ZMYND15: variants seen among roughly 807,000 people sequenced by gnomAD.
ZMYND15 encodes zinc finger MYND-type containing 15.
Under a neutral mutation model 81.7 loss-of-function variants are expected in ZMYND15, and 54 were observed. That is an observed-to-expected ratio of 0.66 (90% CI 0.53 to 0.83). ZMYND15 has a LOEUF of 0.83. Ranked by LOEUF, ZMYND15 falls within the 40% of genes least tolerant of loss-of-function variation. The pLI, the probability that ZMYND15 is intolerant of heterozygous loss-of-function variation, is 0.00. For synonymous variants in ZMYND15, 399 were observed against 387.0 expected, an observed-to-expected ratio of 1.03 and a Z score of -0.36; for missense variants, 925 against 973.5, an observed-to-expected ratio of 0.95 and a Z score of 0.66.
intron 4 of ZMYND15, 72 bp from the exon 5 acceptor site, chr17:4,742,259 G>A: frequency 6.3e-7 from 1 of 1,583,324 alleles, no homozygotes; most frequent in Non-Finnish European, 8.6e-7. Context: ...ATGGGCAGCT[G>A]CTGGGCAGTT....
Position 4,744,131 on chromosome 17 carries a change from G to A in ZMYND15, c.1495+24G>A, listed in dbSNP as rs772161012. On this transcript the variant is annotated intron_variant, in intron 8 of 13. Coordinates refer to ENST00000433935, the MANE Select transcript of ZMYND15 (RefSeq NM_001136046.3). The surrounding 1 kb of genome is among the most constrained non-coding windows in gnomAD (Gnocchi z 4.1). ...CTGTAAGGAGAGCGGAGTGGGGGGT[G>A]GAGCAGGATGGGGGAGTGAGAGTGG... 3.1e-6 allele frequency: 5 copies of A among 1,611,248 alleles called. No individual in the cohort carries two copies. The highest frequency in any genetic ancestry group is 4.2e-6 in the Non-Finnish European group (5 of 1,178,502).
rs779919438 is a variant in ZMYND15 at position 4,741,631 on chromosome 17, T to G, written c.642T>G (p.His214Gln). Reference sequence around the variant, plus strand: ...GTCTCTTACTTGTGACGGATGAGCATGGCACCATCTTGGGCATTGATCTGC... The same window carrying G: ...GTCTCTTACTTGTGACGGATGAGCAGGGCACCATCTTGGGCATTGATCTGC... Reference protein sequence around the residue: ...VSCLLLVTDEHGTILGIDLLV... With the variant: ...VSCLLLVTDEQGTILGIDLLV... Residue 214 changes from histidine (H) to glutamine (Q), a missense_variant, in exon 3 of 14, where the codon CAT becomes CAG. Coordinates refer to ENST00000433935, the MANE Select transcript of ZMYND15 (RefSeq NM_001136046.3). 23 of 1,614,128 alleles carry G rather than the reference T, an allele frequency of 1.4e-5. No individual in the cohort carries two copies. The highest frequency in any genetic ancestry group is 1.9e-5 in the Non-Finnish European group (23 of 1,180,028).
At chr17:4,746,115 C>A, downstream of ZMYND15, 1 of 1,032,128 alleles carries the variant, frequency 9.7e-7, no homozygotes, top group Non-Finnish European at 1.3e-6. Context: ...TGTTTGAAAC[C>A]ACTGAGTCAT....
In ZMYND15 at chr17:4,743,312, G is replaced by C; in HGVS notation, c.1154G>C (p.Ser385Thr). 6.2e-7 allele frequency: 1 copy of C among 1,613,648 alleles called. No homozygotes were observed. Among genetic ancestry groups the C allele is most frequent in the African/African-American group, 1.3e-5 (1 of 74,954 alleles). Residue 385 changes from serine (S) to threonine (T), a missense_variant, in exon 6 of 14, where the codon AGT becomes ACT. Transcript: ENST00000433935. The surrounding 1 kb of genome is among the most constrained non-coding windows in gnomAD (Gnocchi z 4.3). ...CCTTCTCCTTCTCCAGAGGTGACCA[G>C]TGAAACCTTCAACAAAGAGGCCTTC... The part of the protein sequence containing the change: ...LPFTYTAEVT[S>T]ETFNKEAFLA...
chr17:4,745,113 CCGGT>C lies in ZMYND15; in HGVS notation c.1897-100_1897-97del. On this transcript the variant is annotated intron_variant, in intron 12 of 13. Coordinates refer to ENST00000433935, the MANE Select transcript of ZMYND15 (RefSeq NM_001136046.3). This position sits in a 1 kb window ranked among gnomAD's most constrained non-coding sequence, Gnocchi z 5.2. Reference sequence around the variant, plus strand: ...CCGTCCTCCCCCTGCTCCCCTCCGCCCGGTCTGTCCGGGGACCTCGGCTTTCAGC... The same window carrying C: ...CCGTCCTCCCCCTGCTCCCCTCCGCCCTGTCCGGGGACCTCGGCTTTCAGC... 6.3e-7 allele frequency: 1 copy of C among 1,593,696 alleles called. No individual in the cohort carries two copies. Among genetic ancestry groups the C allele is most frequent in the Middle Eastern group, 2.0e-4 (1 of 5,082 alleles).
Position 4,745,506 on chromosome 17 carries a change from T to G in ZMYND15, c.2057+131T>G. On this transcript the variant is annotated intron_variant, in intron 13 of 13. Transcript: ENST00000433935. The surrounding 1 kb of genome is among the most constrained non-coding windows in gnomAD (Gnocchi z 5.2). ...CCCTCCTGCCCCCAGCCCAGCAACC[T>G]GCCTTCTCTGTCCCCACTACTCGTC... 9.2e-7 allele frequency: 1 copy of G among 1,084,628 alleles called. No individual in the cohort carries two copies. Among genetic ancestry groups the G allele is most frequent in the Non-Finnish European group, 1.3e-6 (1 of 769,152 alleles). The allele number at this position is 1,084,628 out of a possible 1,614,324, so 67.2% of individuals were successfully genotyped here.
At position 4,745,721 on chromosome 17, in the gene ZMYND15, T is replaced by C. The variant is rs1289270530; in HGVS notation, c.2058-98T>C. ...GACCGCCCGGTGGAGCCCCGCCCCC[T>C]GGTCCCTGACCGCGCCCCTGGGAGC... On this transcript the variant is annotated intron_variant, in intron 13 of 13. Transcript: ENST00000433935. This position sits in a 1 kb window ranked among gnomAD's most constrained non-coding sequence, Gnocchi z 5.2. 3.3e-5 allele frequency: 10 copies of C among 306,954 alleles called. No homozygotes were observed. The highest frequency in any genetic ancestry group is 1.1e-4 in the South Asian group (2 of 18,420). 19.0% of individuals were successfully genotyped at this position (306,954 alleles called of 1,614,324 possible). A position where few individuals can be genotyped will look rare whatever the true frequency, so the allele number is the denominator to read the frequency against.
At chr17:4,742,608 C>G in intron 5 of ZMYND15, 117 bp downstream of exon 5, 1 of 1,374,346 alleles carries the variant, frequency 7.3e-7, no homozygotes, top group Non-Finnish European at 9.9e-7. Context: ...GGGCTAGAGC[C>G]TAGATCCCTG....
rs1916610150 is a variant in ZMYND15 at position 4,745,225 on chromosome 17, T to C, written c.1907T>C (p.Val636Ala). 6.2e-7 allele frequency: 1 copy of C among 1,613,498 alleles called. No homozygotes were observed. Among genetic ancestry groups the C allele is most frequent in the Non-Finnish European group, 8.5e-7 (1 of 1,179,896 alleles). ...RSLPRLQSLR[V>A]PAFFTESSEY... ...CTCGCTCCACCCCAGTCCCTCCGAG[T>C]GCCAGCCTTCTTCACCGAGAGCAGC... The change falls in exon 13 of 14, where the codon GTG becomes GCG. Residue 636 changes from valine (V) to alanine (A), a missense_variant. By Grantham distance (64) the Val-to-Ala change is moderately conservative (BLOSUM62 0). Transcript: ENST00000433935. This position sits in a 1 kb window ranked among gnomAD's most constrained non-coding sequence, Gnocchi z 5.2.
In ZMYND15 at chr17:4,740,962, G is replaced by A. The variant is rs1037445695; in HGVS notation, c.414G>A (p.Lys138=). 2 of 1,571,966 alleles carry A rather than the reference G, an allele frequency of 1.3e-6. No homozygotes were observed. The highest frequency in any genetic ancestry group is 1.7e-6 in the Non-Finnish European group (2 of 1,157,966). ...ACGGGGGTGCAGGCAGCACAGAGAA[G>A]GTGGAACCAGAGGAGGACCGGGAGC... The part of the protein sequence containing the change: ...REDGGAGSTE[K]VEPEEDRELA... The change falls in exon 2 of 14, where the codon AAG becomes AAA. Residue 138 remains lysine (K), a synonymous_variant. Coordinates refer to ENST00000433935, the MANE Select transcript of ZMYND15 (RefSeq NM_001136046.3).
chr17:4,744,961 C>G lies in ZMYND15; in HGVS notation c.1896+33C>G. 1 of 1,613,280 alleles carries G rather than the reference C, an allele frequency of 6.2e-7. No homozygotes were observed. The highest frequency in any genetic ancestry group is 8.5e-7 in the Non-Finnish European group (1 of 1,179,268). ...ATGGGGGCAAAAGGGAACTTCTCTC[C>G]CCTCCTGCCTGGCCCCTCCCCATCT... is the stretch of plus-strand genomic sequence containing the variant. On this transcript the variant is annotated intron_variant, in intron 12 of 13. Transcript: ENST00000433935. This position sits in a 1 kb window ranked among gnomAD's most constrained non-coding sequence, Gnocchi z 4.1.
In ZMYND15 at chr17:4,745,124, G is replaced by T; in HGVS notation, c.1897-91G>T. 1 of 1,602,874 alleles carries T rather than the reference G, an allele frequency of 6.2e-7. No homozygotes were observed. The highest frequency in any genetic ancestry group is 8.5e-7 in the Non-Finnish European group (1 of 1,173,464). On this transcript the variant is annotated intron_variant, in intron 12 of 13. Coordinates refer to ENST00000433935, the MANE Select transcript of ZMYND15 (RefSeq NM_001136046.3). This position sits in a 1 kb window ranked among gnomAD's most constrained non-coding sequence, Gnocchi z 5.2. ...CTGCTCCCCTCCGCCCGGTCTGTCC[G>T]GGGACCTCGGCTTTCAGCCCGGTCT...
In ZMYND15 at chr17:4,743,513, A is replaced by G. The variant is rs1234101945; in HGVS notation, c.1297+58A>G. The G allele has an allele frequency of 1.3e-6, 2 of 1,599,186 alleles. No individual in the cohort carries two copies. The highest frequency in any genetic ancestry group is 1.7e-6 in the Non-Finnish European group (2 of 1,174,362). On this transcript the variant is annotated intron_variant, in intron 6 of 13. Transcript: ENST00000433935. This position sits in a 1 kb window ranked among gnomAD's most constrained non-coding sequence, Gnocchi z 4.3. ...GGCCTAGAGGGAAGGACTGGGAAGA[A>G]GTTGTCTGGGTCCCAGATGATCCCT... is the stretch of plus-strand genomic sequence containing the variant.
Position 4,744,941 on chromosome 17 carries a change from G to A in ZMYND15, c.1896+13G>A. ...GCCCCGGTTACAGGTGGGCAATGGG[G>A]GCAAAAGGGAACTTCTCTCCCCTCC... On this transcript the variant is annotated intron_variant, in intron 12 of 13. Transcript: ENST00000433935. The surrounding 1 kb of genome is among the most constrained non-coding windows in gnomAD (Gnocchi z 4.1). 1.2e-6 allele frequency: 2 copies of A among 1,613,974 alleles called. No homozygotes were observed. Among genetic ancestry groups the A allele is most frequent in the Non-Finnish European group, 8.5e-7 (1 of 1,179,978 alleles).
Position 4,744,548 on chromosome 17 carries a change from C to A in ZMYND15, c.1684-77C>A. 7.5e-6 allele frequency: 12 copies of A among 1,602,674 alleles called. No individual in the cohort carries two copies. The highest frequency in any genetic ancestry group is 1.0e-5 in the Non-Finnish European group (12 of 1,173,346). Reference sequence around the variant, plus strand: ...TTGGGTCCTGCCCTTCTGCCCCCCACTCCCCATCTTGCCTGGTGCATCCTC... The same window carrying A: ...TTGGGTCCTGCCCTTCTGCCCCCCAATCCCCATCTTGCCTGGTGCATCCTC... On this transcript the variant is annotated intron_variant, in intron 10 of 13. Coordinates refer to ENST00000433935, the MANE Select transcript of ZMYND15 (RefSeq NM_001136046.3). The surrounding 1 kb of genome is among the most constrained non-coding windows in gnomAD (Gnocchi z 4.1).
At chr17:4,740,127 C>T (rs1246294054) in intron 1 of ZMYND15, 77 bp downstream of exon 1, 9 of 955,782 alleles carry the variant, frequency 9.4e-6, no homozygotes, top group African/African-American at 5.3e-5. Context: ...GCCCAGGGAA[C>T]CCCCTCGCTC....
Position 4,745,735 on chromosome 17 carries a change from G to GCCCCTGGGCGCCCCGA in ZMYND15, c.2058-76_2058-75insCGCCCCGACCCCTGGG. ...GCCCCGCCCCCTGGTCCCTGACCGC[G>GCCCCTGGGCGCCCCGA]CCCCTGGGAGCCCCGACCCCTGGGA... is the stretch of plus-strand genomic sequence containing the variant. On this transcript the variant is annotated intron_variant, in intron 13 of 13. Coordinates refer to ENST00000433935, the MANE Select transcript of ZMYND15 (RefSeq NM_001136046.3). The surrounding 1 kb of genome is among the most constrained non-coding windows in gnomAD (Gnocchi z 5.2). The GCCCCTGGGCGCCCCGA allele has an allele frequency of 2.6e-6, 2 of 775,944 alleles. No homozygotes were observed. Among genetic ancestry groups the GCCCCTGGGCGCCCCGA allele is most frequent in the South Asian group, 2.1e-5 (1 of 47,416 alleles). 48.1% of individuals were successfully genotyped at this position (775,944 alleles called of 1,614,324 possible).
intron 1 of ZMYND15, chr17:4,740,253 T>G (rs1027175016): frequency 7.1e-5 from 42 of 592,658 alleles, no homozygotes; most frequent in Middle Eastern, 5.8e-4. Context: ...TTTGAGGGTG[T>G]GAACTCTCCA....
rs767620794 is a variant in ZMYND15, at chr17:4,744,440, C to A, written c.1656C>A (p.Ser552Arg). ...TAGGTGATGGCCTGCCCCCCGAAAG[C>A]GACGAGCAGCATTTTACCCTGCAGA... ...QFVGDGLPPE[S>R]DEQHFTLQRD... Residue 552 changes from serine to arginine, a missense_variant, in exon 10 of 14, where the codon AGC (serine) becomes AGA (arginine). By Grantham distance (110) the Ser-to-Arg change is moderately radical. Transcript: ENST00000433935. This position sits in a 1 kb window ranked among gnomAD's most constrained non-coding sequence, Gnocchi z 4.1. 6.2e-7 allele frequency: 1 copy of A among 1,614,078 alleles called. No homozygotes were observed. Among genetic ancestry groups the A allele is most frequent in the Admixed American group, 1.7e-5 (1 of 60,012 alleles).
Sources: allele counts gnomAD v4.1 joint callset, GRCh38; gene constraint gnomAD v4.1.1; non-coding constraint Gnocchi (gnomAD v3.1); transcripts MANE v1.5; gene names NCBI Gene and HGNC (gene_info 2026-07-23, HGNC 2026-07-21).